Variants in FMN1 observed in about 807,000 individuals in gnomAD.
FMN1 encodes the protein formin 1, also known as formin-1.
Under a neutral mutation model 132.4 loss-of-function variants are expected in FMN1, and 110 were observed. The ratio of observed to expected loss-of-function variants is 0.83; its 90% confidence interval spans 0.71 to 0.97. FMN1 has a LOEUF of 0.97. FMN1 is among the 50% of genes least tolerant of loss of function. The pLI is 0.00. For synonymous variants in FMN1, 722 were observed against 651.7 expected, an observed-to-expected ratio of 1.11 and a Z score of -1.64; for missense variants, 1,792 against 1,705.3, an observed-to-expected ratio of 1.05 and a Z score of -0.90.
intron 6 of FMN1, among the ~76,000 whole-genome samples, chr15:33,009,546 T>A (rs1397512334): frequency 6.6e-6 from 1 of 152,172 alleles, no homozygotes; most frequent in African/African-American, 2.4e-5. Context: ...GTCAAATTAT[T>A]TTCTATCTCA....
chr15:32,771,216 C>A lies in FMN1; in HGVS notation c.*3094G>T, dbSNP rs1255688750. ...GCCTCAGCCTCCCGAGTAGCTGGGA[C>A]TACAGGCGCCCACCACCACGCCCGG... On this transcript the variant is annotated 3_prime_UTR_variant, in exon 21 of 21. Coordinates refer to ENST00000616417, the MANE Select transcript of FMN1 (RefSeq NM_001277313.2). 1 of 151,486 alleles carries A rather than the reference C, an allele frequency of 6.6e-6. No homozygotes were observed. Among genetic ancestry groups the A allele is most frequent in the Non-Finnish European group, 1.5e-5 (1 of 67,928 alleles). The allele number at this position is 151,486 out of a possible 1,614,324, so 9.4% of individuals were successfully genotyped here.
intron 4 of FMN1, among the ~76,000 whole-genome samples, chr15:33,119,487 C>A (rs1962346667): frequency 6.6e-6 from 1 of 152,152 alleles, no homozygotes; most frequent in African/African-American, 2.4e-5. Context: ...GGAGACTCTG[C>A]CAAGCATTAA....
chr15:32,961,468 C>T (rs1200832588), intron 9 of FMN1, among the ~76,000 whole-genome samples: 1 of 152,090 alleles, frequency 6.6e-6, no homozygotes, highest in Non-Finnish European at 1.5e-5. Flanking sequence ...GAAAATACGA[C>T]AAGGAAGACA....
At chr15:33,150,124 G>A (rs1010343957) in intron 4 of FMN1, 4 of 985,434 alleles carry the variant, frequency 4.1e-6, no homozygotes, top group South Asian at 4.7e-5. Flanking sequence ...TAAAGATTGG[G>A]CATTTCCCAA....
intron 17 of FMN1, among the ~76,000 whole-genome samples, chr15:32,835,732 C>T (rs2058607774): frequency 6.6e-6 from 1 of 152,120 alleles, no homozygotes; most frequent in Admixed American, 6.6e-5. Flanking sequence ...GGAAGATTCC[C>T]AGTGGTAAAT....
chr15:32,895,497 T>C lies in FMN1; in HGVS notation c.3714+3337A>G, dbSNP rs568667084. Among the ~76,000 whole-genome samples, 33 of 152,254 alleles carry C rather than the reference T, an allele frequency of 2.2e-4. 1 individual carries two copies. The highest frequency in any genetic ancestry group is 2.2e-3 in the Admixed American group (33 of 15,292). ...CACATGGCATCTTTATGTGAATTTTTTAAAGTGTGCCCTTTATAGGATGTA... is the reference window on the plus strand; with the variant it reads ...CACATGGCATCTTTATGTGAATTTTCTAAAGTGTGCCCTTTATAGGATGTA... On this transcript the variant is annotated intron_variant, in intron 15 of 20. Transcript: ENST00000616417.
chr15:33,079,046 T>C (rs1013963847), intron 5 of FMN1, among the ~76,000 whole-genome samples: 6 of 152,236 alleles, frequency 3.9e-5, no homozygotes, highest in Admixed American at 1.3e-4. Context: ...AATATTTCAA[T>C]TCACTTATAT....
intron 17 of FMN1, among the ~76,000 whole-genome samples, 196 bp from the exon 18 acceptor site, chr15:32,804,528 A>G (rs1382837098): frequency 7.7e-6 from 1 of 129,242 alleles, no homozygotes; most frequent in Non-Finnish European, 1.7e-5. Flanking sequence ...TTTTTTTTTA[A>G]ATTATACTAA....
rs1281465690 is a variant in FMN1 at position 32,772,025 on chromosome 15, G to A, written c.*2285C>T. 1.3e-5 allele frequency: 2 copies of A among 152,166 alleles called. No individual in the cohort carries two copies. Among genetic ancestry groups the A allele is most frequent in the Non-Finnish European group, 2.9e-5 (2 of 68,032 alleles). 9.4% of individuals were successfully genotyped at this position (152,166 alleles called of 1,614,324 possible). A position where few individuals can be genotyped will look rare whatever the true frequency, so the allele number is the denominator to read the frequency against. On this transcript the variant is annotated 3_prime_UTR_variant, in exon 21 of 21. Transcript: ENST00000616417. ...ACACTAACATCATACATCGACTAGTGTGACAAAACCACTAGGTTTCCCCAA... is the reference window on the plus strand; with the variant it reads ...ACACTAACATCATACATCGACTAGTATGACAAAACCACTAGGTTTCCCCAA...
At chr15:33,175,605 T>C (rs758546032) in intron 3 of FMN1, among the ~76,000 whole-genome samples, 1 of 152,212 alleles carries the variant, frequency 6.6e-6, no homozygotes, top group Non-Finnish European at 1.5e-5. Flanking sequence ...CTTCAAAAAC[T>C]AAGCTTAGAA....
intron 4 of FMN1, among the ~76,000 whole-genome samples, chr15:33,114,073 C>G (rs2039817131): frequency 1.3e-5 from 2 of 152,218 alleles, no homozygotes; most frequent in African/African-American, 4.8e-5. Context: ...AACACCTTCT[C>G]TTGGAGCAGC....
chr15:32,828,057 C>G (rs915321054), intron 17 of FMN1, among the ~76,000 whole-genome samples: 1 of 152,206 alleles, frequency 6.6e-6, no homozygotes, highest in Non-Finnish European at 1.5e-5. Context: ...CTTTGGAAGG[C>G]CAAGGCAGGT....
chr15:32,950,851 G>A (rs929204840), intron 9 of FMN1, among the ~76,000 whole-genome samples: 1 of 152,096 alleles, frequency 6.6e-6, no homozygotes, highest in African/African-American at 2.4e-5. Flanking sequence ...TTTAAAAAAT[G>A]TAGTTTTCAA....
Position 32,983,628 on chromosome 15 carries a change from G to C in FMN1, c.2224-14151C>G, listed in dbSNP as rs1009286450. Reference sequence around the variant, plus strand: ...TAATATAATGTTACATAAAAGTTGGGCTTCCACAGCAAGATTCTGTCTGCA... The same window carrying C: ...TAATATAATGTTACATAAAAGTTGGCCTTCCACAGCAAGATTCTGTCTGCA... On this transcript the variant is annotated intron_variant, in intron 7 of 20. Transcript: ENST00000616417. 3.3e-5 allele frequency among the ~76,000 whole-genome samples: 5 copies of C among 152,010 alleles called. No individual in the cohort carries two copies. In the East Asian group the frequency reaches 5.8e-4, roughly 18 times the overall value.
intron 11 of FMN1, among the ~76,000 whole-genome samples, chr15:32,910,261 G>A (rs2060525111): frequency 6.6e-6 from 1 of 152,212 alleles, no homozygotes; most frequent in South Asian, 2.1e-4. Flanking sequence ...TGCCTTGCAA[G>A]TGTGCAATGA....
At chr15:33,101,379 G>C (rs897113055) in intron 4 of FMN1, among the ~76,000 whole-genome samples, 7 of 151,914 alleles carry the variant, frequency 4.6e-5, no homozygotes, top group Middle Eastern at 6.8e-3. Flanking sequence ...TAATCTTTTG[G>C]CTTCCCTGGG....
intron 16 of FMN1, 47 bp downstream of exon 16, chr15:32,888,125 A>G (rs1261738276): frequency 3.3e-6 from 5 of 1,515,696 alleles, no homozygotes; most frequent in Non-Finnish European, 3.6e-6. Context: ...AACATTTTTT[A>G]AAAGTAATCT....
At chr15:32,893,162 C>A (rs1281191744) in intron 15 of FMN1, among the ~76,000 whole-genome samples, 1 of 152,202 alleles carries the variant, frequency 6.6e-6, no homozygotes, top group Non-Finnish European at 1.5e-5. Context: ...TTCATTTTAT[C>A]AGACACAATG....
At chr15:32,940,052 G>T (rs2061366346) in intron 9 of FMN1, among the ~76,000 whole-genome samples, 3 of 152,110 alleles carry the variant, frequency 2.0e-5, no homozygotes, top group African/African-American at 7.2e-5. Context: ...CAATTTTTCA[G>T]TTGTTTGGCC....
Sources: allele counts gnomAD v4.1 joint callset (sites outside exome capture counted in the v4.1 genomes callset), GRCh38; gene constraint gnomAD v4.1.1; transcripts MANE v1.5; gene names NCBI Gene and HGNC (gene_info 2026-07-23, HGNC 2026-07-21).